DCAF10: variants seen among roughly 807,000 people sequenced by gnomAD.
DCAF10 encodes DDB1- and CUL4-associated factor 10.
In DCAF10, 19 loss-of-function variants were observed where a neutral mutation model predicts 51.9. The ratio of observed to expected loss-of-function variants is 0.37; its 90% confidence interval spans 0.26 to 0.54. DCAF10 has a LOEUF of 0.54. Ranked by LOEUF, DCAF10 falls within the 20% of genes least tolerant of loss-of-function variation. DCAF10 has a pLI of 0.87. For missense variants in DCAF10, 510 were observed against 730.6 expected, an observed-to-expected ratio of 0.70 and a Z score of 3.48; for synonymous variants, 291 against 297.1, an observed-to-expected ratio of 0.98 and a Z score of 0.21.
intron 1 of DCAF10, among the ~76,000 whole-genome samples, chr9:37,814,101 T>C (rs1299384411): frequency 4.1e-5 from 4 of 98,034 alleles, no homozygotes; most frequent in Non-Finnish European, 6.0e-5. Flanking sequence ...TATATATATA[T>C]ATATATATAT....
rs1564048737 is a variant in DCAF10, at chr9:37,850,842, AT to A, written c.852-3937del. ...GGATATATTTTATATATATATATAT[AT>A]ATATATATATATATATATATATATA... On this transcript the variant is annotated intron_variant, in intron 3 of 6. Coordinates refer to ENST00000377724, the MANE Select transcript of DCAF10 (RefSeq NM_024345.5). Among the ~76,000 whole-genome samples, 87 of 27,262 alleles carry A rather than the reference AT, an allele frequency of 3.2e-3. 7 individuals are homozygous for A. The highest frequency in any genetic ancestry group is 0.015 in the African/African-American group (85 of 5,740). 17.9% of individuals were successfully genotyped at this position (27,262 alleles called of 152,430 possible). A position where few individuals can be genotyped will look rare whatever the true frequency, so the allele number is the denominator to read the frequency against.
rs993490851 is a variant in DCAF10 at position 37,800,821 on chromosome 9, C to A, written c.-46C>A. ...CAGCTGAACAGGGGCACTGAGGTGTCGGCCGGCGGGGCAGTGGCCCGGAGC... is the reference window on the plus strand; with the variant it reads ...CAGCTGAACAGGGGCACTGAGGTGTAGGCCGGCGGGGCAGTGGCCCGGAGC... On this transcript the variant is annotated 5_prime_UTR_variant, in exon 1 of 7. Coordinates refer to ENST00000377724, the MANE Select transcript of DCAF10 (RefSeq NM_024345.5). 5 of 1,491,346 alleles carry A rather than the reference C, an allele frequency of 3.4e-6. No individual in the cohort carries two copies. The African/African-American group carries it at 7.0e-5, about 21-fold the overall frequency. 92.4% of individuals were successfully genotyped at this position (1,491,346 alleles called of 1,614,324 possible).
chr9:37,846,118 C>A (rs1292683110), intron 3 of DCAF10, among the ~76,000 whole-genome samples: 1 of 151,542 alleles, frequency 6.6e-6, no homozygotes, highest in African/African-American at 2.4e-5. Flanking sequence ...ATTCTAAATG[C>A]AAAGAAATTG....
intron 1 of DCAF10, among the ~76,000 whole-genome samples, chr9:37,810,190 A>G (rs964732899): frequency 1.8e-4 from 27 of 152,258 alleles, no homozygotes; most frequent in African/African-American, 5.8e-4. Context: ...TTTTATATGC[A>G]AGAGGTAGAT....
chr9:37,858,190 AGTAGAAT>A (rs1830908417), intron 5 of DCAF10, among the ~76,000 whole-genome samples: 1 of 152,158 alleles, frequency 6.6e-6, no homozygotes, highest in Admixed American at 6.6e-5. Context: ...TACTTATGTC[AGTAGAAT>A]GGTTTAAGAG....
chr9:37,859,603 C>T (rs1830954891), intron 5 of DCAF10, among the ~76,000 whole-genome samples: 1 of 152,122 alleles, frequency 6.6e-6, no homozygotes. Context: ...GCTTAAAAGG[C>T]AATCCTCATG....
In DCAF10 at chr9:37,801,030, G is replaced by A. The variant is rs887543631; in HGVS notation, c.164G>A (p.Arg55His). The stretch of plus-strand genomic sequence containing the variant: ...CCCCCTCCACCCGCCCGAAGCCCTC[G>A]CCGCCCCGGCGCCCCATCGCTGTCC... ...THPPPPARSP[R>H]RPGAPSLSPA... The change falls in exon 1 of 7, where the codon CGC (arginine) becomes CAC (histidine). Residue 55 changes from arginine to histidine, a missense_variant. Around this residue, in one of 4 missense-constraint regions of DCAF10, gnomAD observed 251 missense variants for 227.9 expected, o/e 1.10. Coordinates refer to ENST00000377724, the MANE Select transcript of DCAF10 (RefSeq NM_024345.5). This position sits in a 1 kb window ranked among gnomAD's most constrained non-coding sequence, Gnocchi z 5.5. 1.9e-6 allele frequency: 3 copies of A among 1,538,992 alleles called. No homozygotes were observed. The highest frequency in any genetic ancestry group is 1.4e-5 in the African/African-American group (1 of 70,570).
chr9:37,803,716 C>T (rs1252769547), intron 1 of DCAF10, among the ~76,000 whole-genome samples: 1 of 148,960 alleles, frequency 6.7e-6, no homozygotes. Flanking sequence ...AGATAGATGA[C>T]ATATCCGTGT....
intron 1 of DCAF10, among the ~76,000 whole-genome samples, chr9:37,812,852 A>T (rs980237410): frequency 6.6e-6 from 1 of 151,974 alleles, no homozygotes; most frequent in Non-Finnish European, 1.5e-5. Context: ...CCAGGCTGGG[A>T]ATGGTATAAA....
intron 2 of DCAF10, among the ~76,000 whole-genome samples, chr9:37,835,045 CATAGTG>C (rs1830115325): frequency 6.6e-6 from 1 of 152,166 alleles, no homozygotes; most frequent in South Asian, 2.1e-4. Flanking sequence ...CTCGGCCTCC[CATAGTG>C]CTGGGATTAT....
At chr9:37,824,213 T>C (rs761062993) in intron 2 of DCAF10, among the ~76,000 whole-genome samples, 1 of 152,168 alleles carries the variant, frequency 6.6e-6, no homozygotes. Flanking sequence ...ACTGCCTGCC[T>C]ATCAATGACT....
intron 1 of DCAF10, among the ~76,000 whole-genome samples, chr9:37,806,612 A>G (rs137921968): frequency 2.0e-5 from 3 of 152,352 alleles, no homozygotes; most frequent in Non-Finnish European, 2.9e-5. Flanking sequence ...CCATCAAAAT[A>G]TATTAATTCT....
chr9:37,838,125 G>A (rs544131203), intron 2 of DCAF10, among the ~76,000 whole-genome samples: 4 of 152,090 alleles, frequency 2.6e-5, no homozygotes, highest in African/African-American at 9.6e-5. Flanking sequence ...TTTGAAAAAC[G>A]GATATATTAT....
chr9:37,811,643 T>C (rs908722030), intron 1 of DCAF10, among the ~76,000 whole-genome samples: 1 of 152,166 alleles, frequency 6.6e-6, no homozygotes, highest in South Asian at 2.1e-4. Flanking sequence ...GCTGAAGGAT[T>C]TGTGAGCTTG....
chr9:37,816,665 T>G (rs994844988), intron 1 of DCAF10, among the ~76,000 whole-genome samples: 5 of 150,166 alleles, frequency 3.3e-5, no homozygotes, highest in Admixed American at 1.3e-4. Context: ...CTGGGGTGTG[T>G]GTGTGTGTGT....
intron 3 of DCAF10, among the ~76,000 whole-genome samples, chr9:37,844,841 AAC>A (rs1162830781): frequency 1.3e-5 from 2 of 151,966 alleles, no homozygotes; most frequent in African/African-American, 2.4e-5. Flanking sequence ...AACAACAACA[AAC>A]AAAAATGGAT....
At chr9:37,831,879 C>T (rs1031893450) in intron 2 of DCAF10, among the ~76,000 whole-genome samples, 4 of 150,824 alleles carry the variant, frequency 2.7e-5, no homozygotes, top group South Asian at 2.1e-4. Flanking sequence ...ACCTGGGAGG[C>T]GGAGGCTGTA....
chr9:37,807,938 A>C (rs1413581140), intron 1 of DCAF10, among the ~76,000 whole-genome samples: 1 of 152,116 alleles, frequency 6.6e-6, no homozygotes, highest in Non-Finnish European at 1.5e-5. Context: ...CTGGGATTAT[A>C]AGTGTGAACC....
chr9:37,848,033 C>T (rs887222664), intron 3 of DCAF10, among the ~76,000 whole-genome samples: 9 of 152,132 alleles, frequency 5.9e-5, no homozygotes, highest in South Asian at 4.2e-4. Flanking sequence ...TTCATGGATT[C>T]GAAGACTCCA....
Sources: gnomAD v4.1 joint callset for allele counts (sites outside exome capture counted in the v4.1 genomes callset) on GRCh38, gnomAD v4.1.1 for gene constraint, gnomAD v4.1.1 regional missense constraint, Gnocchi (gnomAD v3.1) non-coding constraint, MANE v1.5 for transcripts, NCBI Gene and HGNC (gene_info 2026-07-23, HGNC 2026-07-21) for gene names.